The following ULK4 variants were observed in gnomAD, a reference collection of about 807,000 sequenced individuals.
The protein encoded by ULK4 is unc-51 like kinase 4, also known as inactive serine/threonine-protein kinase ULK4.
In ULK4, 133 loss-of-function variants were observed where a neutral mutation model predicts 160.6. The ratio of observed to expected loss-of-function variants is 0.83; its 90% CI spans 0.72 to 0.96. ULK4 has a LOEUF of 0.96. ULK4 is among the 40% of genes least tolerant of loss of function. The pLI is 0.00. For synonymous variants in ULK4, 534 were observed against 539.8 expected (o/e 0.99, Z 0.15); for missense variants, 1,580 against 1,499.5 (o/e 1.05, Z -0.89).
chr3:41,660,159 G>A (rs1559467895), intron 30 of ULK4, among the ~76,000 whole-genome samples: 2 of 152,186 alleles, frequency 1.3e-5, no homozygotes, highest in African/African-American at 2.4e-5. Flanking sequence ...GTGGGGTGTG[G>A]TGACTCATGC....
chr3:41,545,151 G>A (rs1212560368), intron 32 of ULK4, among the ~76,000 whole-genome samples: 3 of 151,462 alleles, frequency 2.0e-5, no homozygotes, highest in African/African-American at 7.3e-5. Context: ...AACCTACCTA[G>A]TCCGTTTTAT....
intron 34 of ULK4, among the ~76,000 whole-genome samples, chr3:41,416,015 C>T (rs2082519260): frequency 6.6e-6 from 1 of 152,156 alleles, no homozygotes; most frequent in Admixed American, 6.5e-5. Context: ...AGTAACTCCC[C>T]TCTAGGAAAA....
chr3:41,955,109 G>C (rs1576016161), intron 1 of ULK4, among the ~76,000 whole-genome samples: 1 of 152,166 alleles, frequency 6.6e-6, no homozygotes, highest in Admixed American at 6.5e-5. Context: ...TGGCCAACAT[G>C]GTGAACCCTG....
intron 34 of ULK4, among the ~76,000 whole-genome samples, chr3:41,433,527 A>T (rs2082961712): frequency 6.6e-6 from 1 of 152,166 alleles, no homozygotes; most frequent in Non-Finnish European, 1.5e-5. Flanking sequence ...TTGAACAAAA[A>T]TTTTCAGTGC....
intron 35 of ULK4, among the ~76,000 whole-genome samples, chr3:41,274,959 G>C (rs941480909): frequency 6.6e-6 from 1 of 152,134 alleles, no homozygotes; most frequent in Non-Finnish European, 1.5e-5. Flanking sequence ...TTCTACTAAT[G>C]ATTCTATGTG....
intron 5 of ULK4, among the ~76,000 whole-genome samples, chr3:41,930,738 A>G (rs1016984833): frequency 6.6e-6 from 1 of 152,248 alleles, no homozygotes; most frequent in Admixed American, 6.5e-5. Flanking sequence ...CATATGAAAA[A>G]AAGCTCACCA....
chr3:41,447,065 C>T (rs1179259316), intron 34 of ULK4, among the ~76,000 whole-genome samples: 1 of 103,126 alleles, frequency 9.7e-6, no homozygotes, highest in Non-Finnish European at 1.7e-5. Context: ...GCCCGGGTGA[C>T]AGAGCGAGAC....
chr3:41,355,898 A>G (rs898576831), intron 35 of ULK4, among the ~76,000 whole-genome samples: 1 of 152,244 alleles, frequency 6.6e-6, no homozygotes, highest in African/African-American at 2.4e-5. Flanking sequence ...TGCTAAAGTG[A>G]AAGAGCTAGC....
rs577219276 is a variant in ULK4 at position 41,274,830 on chromosome 3, C to A, written c.3679-25256G>T. ...GCATTTCTCTGAGTCTCATGTATCT[C>A]GTGGATTCATGTACCAAGGACTTCT... On this transcript the variant is annotated intron_variant, in intron 35 of 36. Transcript: ENST00000301831. Among the ~76,000 whole-genome samples the A allele has an allele frequency of 3.3e-5, 5 of 152,202 alleles. No individual in the cohort carries two copies. In the South Asian group the frequency reaches 8.3e-4, roughly 25 times the overall value.
chr3:41,471,706 A>G (rs2083995464), intron 32 of ULK4, among the ~76,000 whole-genome samples: 1 of 152,224 alleles, frequency 6.6e-6, no homozygotes, highest in Non-Finnish European at 1.5e-5. Flanking sequence ...AACAGGAGTA[A>G]TTTTGGAAAA....
intron 35 of ULK4, among the ~76,000 whole-genome samples, chr3:41,299,590 G>A (rs1295439445): frequency 2.0e-5 from 3 of 152,200 alleles, no homozygotes; most frequent in South Asian, 4.1e-4. Flanking sequence ...AAATTTGAGG[G>A]TGATTTGTTA....
chr3:41,937,326 A>G, intron 3 of ULK4: 1 of 695,518 alleles, frequency 1.4e-6, no homozygotes, highest in South Asian at 1.5e-5. Flanking sequence ...GGAAGTAATC[A>G]ACCATAATCC....
chr3:41,413,396 G>A (rs1401600372), intron 34 of ULK4, among the ~76,000 whole-genome samples: 1 of 152,138 alleles, frequency 6.6e-6, no homozygotes, highest in Non-Finnish European at 1.5e-5. Context: ...ACCTTGGATT[G>A]GGGAAAGGTT....
intron 30 of ULK4, among the ~76,000 whole-genome samples, chr3:41,617,347 G>A (rs944938125): frequency 1.3e-5 from 2 of 152,202 alleles, no homozygotes; most frequent in African/African-American, 2.4e-5. Context: ...AACAGGGGTC[G>A]ACAGACACCT....
chr3:41,538,471 T>C lies in ULK4; in HGVS notation c.3226+27554A>G, dbSNP rs567124712. Reference sequence around the variant, plus strand: ...AATTCAACTTTTTGTTATTACGTCATGACTTTTCTCTGCTTCTTAGAAGCA... The same window carrying C: ...AATTCAACTTTTTGTTATTACGTCACGACTTTTCTCTGCTTCTTAGAAGCA... On this transcript the variant is annotated intron_variant, in intron 32 of 36. Coordinates refer to ENST00000301831, the MANE Select transcript of ULK4 (RefSeq NM_017886.4). 2.0e-5 allele frequency among the ~76,000 whole-genome samples: 3 copies of C among 152,300 alleles called. No individual in the cohort carries two copies. In the East Asian group the frequency reaches 5.8e-4, roughly 29 times the overall value.
At chr3:41,379,471 A>G (rs2081598106) in intron 35 of ULK4, among the ~76,000 whole-genome samples, 1 of 152,206 alleles carries the variant, frequency 6.6e-6, no homozygotes, top group African/African-American at 2.4e-5. Context: ...ATTTCCTTGA[A>G]CAATGGTGTT....
intron 31 of ULK4, among the ~76,000 whole-genome samples, chr3:41,611,319 G>A (rs931446804): frequency 4.6e-5 from 7 of 152,272 alleles, no homozygotes; most frequent in Middle Eastern, 3.4e-3. Context: ...TTGGGGAACA[G>A]CACCCAGCTC....
intron 32 of ULK4, among the ~76,000 whole-genome samples, chr3:41,557,270 C>A (rs1253469675): frequency 1.3e-5 from 2 of 151,940 alleles, no homozygotes; most frequent in Non-Finnish European, 2.9e-5. Context: ...ACATCTACCC[C>A]ACTCTATTTG....
intron 35 of ULK4, among the ~76,000 whole-genome samples, chr3:41,305,011 C>T (rs1235825552): frequency 2.0e-5 from 3 of 152,160 alleles, no homozygotes; most frequent in African/African-American, 7.2e-5. Context: ...AGGGTGCACA[C>T]ACTGGGCCAC....
Sources: allele counts gnomAD v4.1 joint callset (sites outside exome capture counted in the v4.1 genomes callset), GRCh38; gene constraint gnomAD v4.1.1; transcripts MANE v1.5; gene names NCBI Gene and HGNC (gene_info 2026-07-23, HGNC 2026-07-21).